Variants in PDSS2 observed in about 807,000 individuals in gnomAD.
PDSS2 encodes the protein decaprenyl diphosphate synthase subunit 2, also known as all trans-polyprenyl-diphosphate synthase PDSS2.
A neutral mutation model predicts 44.5 loss-of-function variants in PDSS2; 31 were observed. The observed-to-expected ratio is 0.70, with a 90% CI of 0.52 to 0.94. The LOEUF (loss-of-function observed/expected upper bound fraction) is 0.94. Among genes scored for constraint, PDSS2 ranks in the 40% least tolerant of loss-of-function variants. The pLI is 0.00. For missense variants in PDSS2, 452 were observed against 482.2 expected (o/e 0.94, Z 0.59); for synonymous variants, 157 against 180.3 (o/e 0.87, Z 1.03).
At chr6:107,364,485 G>C (rs1230788953) in intron 1 of PDSS2, among the ~76,000 whole-genome samples, 1 of 152,242 alleles carries the variant, frequency 6.6e-6, no homozygotes, top group East Asian at 1.9e-4. Flanking sequence ...CCACTGGCCC[G>C]GGTGCTAAGT....
intron 4 of PDSS2, among the ~76,000 whole-genome samples, chr6:107,224,267 T>A (rs1043840701): frequency 1.3e-5 from 2 of 151,474 alleles, no homozygotes; most frequent in Non-Finnish European, 2.9e-5. Context: ...TGCTTACTAA[T>A]AAAACCGTAA....
At chr6:107,186,085 C>T (rs1209437191) in intron 7 of PDSS2, among the ~76,000 whole-genome samples, 1 of 152,154 alleles carries the variant, frequency 6.6e-6, no homozygotes, top group Non-Finnish European at 1.5e-5. Flanking sequence ...CCATCTTTGC[C>T]CACTGCCCAG....
chr6:107,424,700 C>T (rs974416829), intron 1 of PDSS2, among the ~76,000 whole-genome samples: 1 of 152,060 alleles, frequency 6.6e-6, no homozygotes, highest in Non-Finnish European at 1.5e-5. Context: ...GAATTGTATA[C>T]CTTTGGTATA....
At chr6:107,246,589 T>C (rs1774623324) in intron 3 of PDSS2, among the ~76,000 whole-genome samples, 1 of 152,218 alleles carries the variant, frequency 6.6e-6, no homozygotes, top group Non-Finnish European at 1.5e-5. Flanking sequence ...GAAGACATTA[T>C]TAAGCCAAAG....
chr6:107,330,514 G>A (rs1018957134), intron 2 of PDSS2, among the ~76,000 whole-genome samples: 2 of 152,082 alleles, frequency 1.3e-5, no homozygotes, highest in Admixed American at 6.6e-5. Flanking sequence ...TAAAACAACC[G>A]AGAAAGTGGA....
Position 107,239,634 on chromosome 6 carries a change from CTT to C in PDSS2, c.702+5912_702+5913del, listed in dbSNP as rs1177940710. Among the ~76,000 whole-genome samples, 295 of 76,848 alleles carry C rather than the reference CTT, an allele frequency of 3.8e-3. 1 individual carries two copies. Among genetic ancestry groups the C allele is most frequent in the African/African-American group, 0.013 (251 of 18,828 alleles). The allele number at this position is 76,848 out of a possible 152,430, so 50.4% of individuals were successfully genotyped here. A position where few individuals can be genotyped will look rare whatever the true frequency, so the allele number is the denominator to read the frequency against. On this transcript the variant is annotated intron_variant, in intron 4 of 7. Coordinates refer to ENST00000369037, the MANE Select transcript of PDSS2 (RefSeq NM_020381.4). ...ATTATTTAATAAACATGTACTCTACCTTTTTTTTTTTTTTTTTTTTTTTTTGA... is the reference window on the plus strand; with the variant it reads ...ATTATTTAATAAACATGTACTCTACCTTTTTTTTTTTTTTTTTTTTTTTGA...
intron 7 of PDSS2, among the ~76,000 whole-genome samples, chr6:107,187,157 T>C (rs188047798): frequency 2.7e-3 from 418 of 152,296 alleles, no homozygotes; most frequent in Non-Finnish European, 4.0e-3. Context: ...GAGAAAGATA[T>C]AATCTTTCTT....
intron 4 of PDSS2, among the ~76,000 whole-genome samples, chr6:107,241,820 T>G (rs543377875): frequency 6.6e-6 from 1 of 152,198 alleles, no homozygotes; most frequent in Non-Finnish European, 1.5e-5. Flanking sequence ...AACAGACTGC[T>G]ATTGTATCCT....
intron 1 of PDSS2, among the ~76,000 whole-genome samples, chr6:107,376,769 G>A (rs1418339395): frequency 6.6e-6 from 1 of 151,946 alleles, no homozygotes; most frequent in Non-Finnish European, 1.5e-5. Context: ...CTGCCTAATT[G>A]CCCTGGCCAG....
chr6:107,380,223 A>G (rs1779414989), intron 1 of PDSS2, among the ~76,000 whole-genome samples: 1 of 152,106 alleles, frequency 6.6e-6, no homozygotes, highest in Non-Finnish European at 1.5e-5. Context: ...CAGCTCTCTC[A>G]GCTGTCATCT....
At chr6:107,380,333 G>T (rs1274844768) in intron 1 of PDSS2, among the ~76,000 whole-genome samples, 14 of 152,294 alleles carry the variant, frequency 9.2e-5, no homozygotes. Context: ...GTTAGTGTTT[G>T]TGATTCCTTG....
chr6:107,433,542 G>A (rs1211132549), intron 1 of PDSS2, among the ~76,000 whole-genome samples: 2 of 152,184 alleles, frequency 1.3e-5, no homozygotes, highest in Non-Finnish European at 2.9e-5. Flanking sequence ...TCAATAAGTA[G>A]TGCTGGGAAA....
intron 2 of PDSS2, among the ~76,000 whole-genome samples, chr6:107,299,146 C>CAAAAAAAAAAA (rs71991148): frequency 3.7e-5 from 2 of 53,490 alleles, no homozygotes; most frequent in Non-Finnish European, 6.2e-5. Flanking sequence ...GACCCTGTCT[C>CAAAAAAAAAAA]AAAAAAAAAA....
At position 107,247,156 on chromosome 6, in the gene PDSS2, A is replaced by C. The variant is rs562574372; in HGVS notation, c.631-1537T>G. On this transcript the variant is annotated intron_variant, in intron 3 of 7. Coordinates refer to ENST00000369037, the MANE Select transcript of PDSS2 (RefSeq NM_020381.4). ...TACAGTTTACACAAGCAACATCCCA[A>C]GATCCCCCTGATGGCTGGACACATA... Among the ~76,000 whole-genome samples, 171 of 152,360 alleles carry C rather than the reference A, an allele frequency of 1.1e-3. 2 individuals carry two copies. The highest frequency in any genetic ancestry group is 4.0e-3 in the African/African-American group (168 of 41,596).
chr6:107,173,668 A>G (rs1554249225), intron 7 of PDSS2, among the ~76,000 whole-genome samples: 1 of 149,570 alleles, frequency 6.7e-6, no homozygotes, highest in Non-Finnish European at 1.5e-5. Flanking sequence ...TCTTCTTATC[A>G]CGTTTCTATG....
intron 2 of PDSS2, among the ~76,000 whole-genome samples, chr6:107,298,367 T>C (rs1776579450): frequency 6.6e-6 from 1 of 152,154 alleles, no homozygotes; most frequent in Admixed American, 6.5e-5. Flanking sequence ...ATAACAACTA[T>C]TTACATAGCA....
chr6:107,423,047 T>C (rs1583065227), intron 1 of PDSS2, among the ~76,000 whole-genome samples: 1 of 152,236 alleles, frequency 6.6e-6, no homozygotes, highest in African/African-American at 2.4e-5. Flanking sequence ...AAGATATTCA[T>C]TTTTAGTTTA....
chr6:107,414,100 G>A (rs1044121198), intron 1 of PDSS2, among the ~76,000 whole-genome samples: 5 of 152,236 alleles, frequency 3.3e-5, no homozygotes, highest in Admixed American at 6.5e-5. Context: ...TTAGTGATAT[G>A]GAAGTCATTA....
intron 1 of PDSS2, among the ~76,000 whole-genome samples, chr6:107,415,399 A>C (rs1377758630): frequency 6.6e-6 from 1 of 152,166 alleles, no homozygotes; most frequent in Non-Finnish European, 1.5e-5. Flanking sequence ...ATAGGCACAG[A>C]CAGCATTATA....
Sources: allele counts gnomAD v4.1 joint callset (sites outside exome capture counted in the v4.1 genomes callset), GRCh38; gene constraint gnomAD v4.1.1; transcripts MANE v1.5; gene names NCBI Gene and HGNC (gene_info 2026-07-23, HGNC 2026-07-21).